Variants in ENG observed in about 807,000 individuals in gnomAD.
ENG encodes the protein CD105 antigen.
In ENG, 17 loss-of-function variants were observed where a neutral mutation model predicts 71.0. That is an observed-to-expected ratio of 0.24 (90% CI 0.16 to 0.36). ENG has a LOEUF of 0.36. Among genes scored for constraint, ENG ranks in the 10% least tolerant of loss-of-function variants. The pLI, the probability that ENG is intolerant of heterozygous loss-of-function variation, is 1.00. For missense variants in ENG, 749 were observed against 868.3 expected, an observed-to-expected ratio of 0.86 and a Z score of 1.73; for synonymous variants, 360 against 366.9, an observed-to-expected ratio of 0.98 and a Z score of 0.21.
intron 5 of ENG, 113 bp from the exon 6 acceptor site, chr9:127,825,470 T>C: frequency 1.3e-6 from 2 of 1,489,082 alleles, no homozygotes; most frequent in Non-Finnish European, 9.1e-7. Flanking sequence ...TGTGGGTTTA[T>C]GGGATAGGGA....
chr9:127,844,772 G>A (rs920808655), intron 1 of ENG, among the ~76,000 whole-genome samples: 8 of 152,232 alleles, frequency 5.3e-5, no homozygotes, highest in Non-Finnish European at 7.3e-5. Flanking sequence ...TCATGGCAGG[G>A]CCTAGGTGTG....
chr9:127,854,516 G>T lies in ENG; in HGVS notation c.-161C>A. 2 of 710,780 alleles carry T rather than the reference G, an allele frequency of 2.8e-6. No homozygotes were observed. The highest frequency in any genetic ancestry group is 1.9e-5 in the South Asian group (1 of 53,038). 44.0% of individuals were successfully genotyped at this position (710,780 alleles called of 1,614,324 possible). A position where few individuals can be genotyped will look rare whatever the true frequency, so the allele number is the denominator to read the frequency against. On this transcript the variant is annotated 5_prime_UTR_variant, in exon 1 of 15. Transcript: ENST00000373203. ...CCAGCCTTCTGGGGTGGCGGCCGAG[G>T]GGTCAGGAGAAGTGGACACAGGGAC... is the stretch of plus-strand genomic sequence containing the variant.
At position 127,824,801 on chromosome 9, in the gene ENG, G is replaced by A. The variant is rs369202854; in HGVS notation, c.990C>T (p.Cys330=). The change falls in exon 7 of 15, where the codon TGC becomes TGT. Residue 330 remains cysteine, a splice_region_variant and synonymous_variant. Transcript: ENST00000373203. The part of the protein sequence containing the change: ...ASIVSLHASS[C]GGRLQTSPAP... ...GAGGGGCAGGGGAAGGGTGCTCACC[G>A]CAGCTGGAGGCATGAAGTGAGACAA... 43 of 1,556,896 alleles carry A rather than the reference G, an allele frequency of 2.8e-5. No individual in the cohort carries two copies. Among genetic ancestry groups the A allele is most frequent in the Middle Eastern group, 1.8e-4 (1 of 5,454 alleles).
At chr9:127,825,922 C>T in intron 4 of ENG, 62 bp from the exon 5 acceptor site, 2 of 1,545,144 alleles carry the variant, frequency 1.3e-6, no homozygotes, top group Non-Finnish European at 8.8e-7. Context: ...CAGAGCCCCG[C>T]CCTCACCCAC....
rs1831180566 is a variant in ENG at position 127,846,918 on chromosome 9, A to G, written c.68-3673T>C. 1.0e-6 allele frequency: 1 copy of G among 985,400 alleles called. No homozygotes were observed. The highest frequency in any genetic ancestry group is 1.7e-5 in the African/African-American group (1 of 57,208). The allele number at this position is 985,400 out of a possible 1,614,324, so 61.0% of individuals were successfully genotyped here. On this transcript the variant is annotated intron_variant, in intron 1 of 14. Transcript: ENST00000373203. The surrounding 1 kb of genome is among the most constrained non-coding windows in gnomAD (Gnocchi z 5.5). ...CCCATGTGCACACAGCACCTCCCAG[A>G]TTTCCAGAGGGCTACCTTCAGCACC...
rs140760635 is a variant in ENG at position 127,818,273 on chromosome 9, C to T, written c.1533G>A (p.Ala511=). Residue 511 remains alanine (A), a synonymous_variant, in exon 12 of 15, where the codon GCG becomes GCA. Transcript: ENST00000373203. ...GCAGGCTCACACAGTTGCCCTTGGCCGCCCGGCCCTGGATGAGTTCCACGG... is the reference window on the plus strand; with the variant it reads ...GCAGGCTCACACAGTTGCCCTTGGCTGCCCGGCCCTGGATGAGTTCCACGG... ...GGTVELIQGR[A]AKGNCVSLLS... is the part of the protein sequence containing the mutation. 239 of 1,614,158 alleles carry T rather than the reference C, an allele frequency of 1.5e-4. 8 individuals are homozygous for T. The highest frequency in any genetic ancestry group is 7.1e-4 in the East Asian group (32 of 44,876).
At position 127,818,208 on chromosome 9, in the gene ENG, A is replaced by C; in HGVS notation, c.1598T>G (p.Leu533Arg). The change falls in exon 12 of 15, where the codon CTC (leucine) becomes CGC (arginine). Residue 533 changes from leucine (L) to arginine (R), a missense_variant. Physicochemically the swap from Leu to Arg is moderately radical, Grantham distance 102 (BLOSUM62 -2). Transcript: ENST00000373203. ...SPEGDPRFSF[L>R]LHFYTVPIPK... ...TATGGGTACTGTGTAGAAGTGGAGG[A>C]GGAAGCTGAAGCGCGGGTCACCCTC... 2 of 1,614,124 alleles carry C rather than the reference A, an allele frequency of 1.2e-6. No homozygotes were observed. Among genetic ancestry groups the C allele is most frequent in the Non-Finnish European group, 1.7e-6 (2 of 1,180,012 alleles).
At chr9:127,820,672 C>CA (rs1478275353) in intron 8 of ENG, among the ~76,000 whole-genome samples, 5 of 150,362 alleles carry the variant, frequency 3.3e-5, no homozygotes, top group African/African-American at 1.2e-4. Context: ...ACTAAAAATA[C>CA]AAAAAAATTA....
chr9:127,826,298 G>A (rs1239273738), intron 4 of ENG, among the ~76,000 whole-genome samples: 3 of 152,202 alleles, frequency 2.0e-5, no homozygotes, highest in African/African-American at 7.2e-5. Flanking sequence ...GGGGTTTTAG[G>A]TCAGAACCTG....
chr9:127,830,637 C>T (rs147516739), intron 2 of ENG, among the ~76,000 whole-genome samples: 2,776 of 150,860 alleles, frequency 0.018, 74 homozygotes, highest in African/African-American at 0.06. Context: ...ACAAGAATGA[C>T]GCTCCGTCTC....
chr9:127,839,025 C>G (rs961316438), intron 2 of ENG, among the ~76,000 whole-genome samples: 4 of 152,202 alleles, frequency 2.6e-5, no homozygotes, highest in Non-Finnish European at 4.4e-5. Flanking sequence ...CCACCACCCC[C>G]ACTACCACGT....
At chr9:127,825,159 T>C in intron 6 of ENG, 72 bp downstream of exon 6, 1 of 1,612,598 alleles carries the variant, frequency 6.2e-7, no homozygotes, top group Non-Finnish European at 8.5e-7. Flanking sequence ...GGGGTTCACC[T>C]TTCCAGGAAA....
At chr9:127,818,872 C>T (rs377760721) in intron 10 of ENG, 40 bp from the exon 11 acceptor site, 43 of 1,594,042 alleles carry the variant, frequency 2.7e-5, no homozygotes, top group East Asian at 9.0e-5. Flanking sequence ...AATCTGGCGG[C>T]GCCAGCCAGG....
At position 127,818,385 on chromosome 9, in the gene ENG, G is replaced by A. The variant is rs376169815; in HGVS notation, c.1429-8C>T. ...GGATGGGGACACTCTGACCTGCATGGGTAGGTAGGGCCACGCGGCATGGGC... is the reference window on the plus strand; with the variant it reads ...GGATGGGGACACTCTGACCTGCATGAGTAGGTAGGGCCACGCGGCATGGGC... On this transcript the variant is annotated splice_polypyrimidine_tract_variant and splice_region_variant and intron_variant, in intron 11 of 14. Coordinates refer to ENST00000373203, the MANE Select transcript of ENG (RefSeq NM_001114753.3). The A allele has an allele frequency of 7.4e-6, 12 of 1,613,016 alleles. No homozygotes were observed. In the African/African-American group the frequency reaches 1.2e-4, roughly 16 times the overall value.
At position 127,836,245 on chromosome 9, in the gene ENG, A is replaced by T. The variant is rs761557963; in HGVS notation, c.220-6418T>A. ...CCTCATGGGACCCTGGGAATTCCGCAGTCTGGCCAGCCCCTCACCCCCAGC... is the reference window on the plus strand; with the variant it reads ...CCTCATGGGACCCTGGGAATTCCGCTGTCTGGCCAGCCCCTCACCCCCAGC... On this transcript the variant is annotated intron_variant, in intron 2 of 14. Coordinates refer to ENST00000373203, the MANE Select transcript of ENG (RefSeq NM_001114753.3). The surrounding 1 kb of genome is among the most constrained non-coding windows in gnomAD (Gnocchi z 4.0). Among the ~76,000 whole-genome samples, 6 of 152,164 alleles carry T rather than the reference A, an allele frequency of 3.9e-5. No homozygotes were observed. The highest frequency in any genetic ancestry group is 2.1e-4 in the South Asian group (1 of 4,828).
chr9:127,832,066 A>ATTTTT (rs1249679767), intron 2 of ENG, among the ~76,000 whole-genome samples: 2 of 109,942 alleles, frequency 1.8e-5, no homozygotes, highest in South Asian at 2.7e-4. Context: ...ATGAGCTACC[A>ATTTTT]TTCTTTTTTT....
intron 4 of ENG, 98 bp downstream of exon 4, chr9:127,826,412 C>A: frequency 6.6e-7 from 1 of 1,516,336 alleles, no homozygotes; most frequent in Non-Finnish European, 9.0e-7. Flanking sequence ...GTGTCCCCTC[C>A]TGCACTCTTG....
In ENG at chr9:127,824,346, G is replaced by C. The variant is rs375427398; in HGVS notation, c.1092C>G (p.Ala364=). ...LLMSLIQTKC[A]DDAMTLVLKK... Reference sequence around the variant, plus strand: ...TTAGTACCAGGGTCATGGCGTCGTCGGCACACTTTGTCTGGATCAAGGACA... The same window carrying C: ...TTAGTACCAGGGTCATGGCGTCGTCCGCACACTTTGTCTGGATCAAGGACA... The change falls in exon 8 of 15, where the codon GCC becomes GCG. Residue 364 remains alanine (A), a synonymous_variant. Coordinates refer to ENST00000373203, the MANE Select transcript of ENG (RefSeq NM_001114753.3). 8 of 1,613,926 alleles carry C rather than the reference G, an allele frequency of 5.0e-6. No individual in the cohort carries two copies. Among genetic ancestry groups the C allele is most frequent in the African/African-American group, 4.0e-5 (3 of 74,948 alleles).
intron 4 of ENG, 88 bp downstream of exon 4, chr9:127,826,422 G>C: frequency 1.3e-6 from 2 of 1,554,982 alleles, no homozygotes; most frequent in Non-Finnish European, 1.8e-6. Flanking sequence ...CTGCACTCTT[G>C]GTGCCCAAGT....
Sources: gnomAD v4.1 joint callset for allele counts (sites outside exome capture counted in the v4.1 genomes callset) on GRCh38, gnomAD v4.1.1 for gene constraint, Gnocchi (gnomAD v3.1) non-coding constraint, MANE v1.5 for transcripts, NCBI Gene and HGNC (gene_info 2026-07-23, HGNC 2026-07-21) for gene names.